Variants in CABIN1 observed in about 807,000 individuals in gnomAD.
CABIN1 encodes calcineurin-binding protein cabin-1.
In CABIN1, 133 loss-of-function variants were observed where a neutral mutation model predicts 227.7. That is an observed-to-expected ratio of 0.58 (90% CI 0.51 to 0.67). The LOEUF (loss-of-function observed/expected upper bound fraction) is 0.67, where lower values mean the gene tolerates loss of function less well. CABIN1 is among the 30% of genes least tolerant of loss of function. The probability of loss-of-function intolerance (pLI) is 0.00; values close to 1 mark genes in which losing one functional copy is unlikely to be tolerated. For missense variants in CABIN1, 2,408 were observed against 2,852.5 expected (o/e 0.84, Z 3.55); for synonymous variants, 1,086 against 1,155.1 (o/e 0.94, Z 1.21).
chr22:24,170,180 T>G, intron 33 of CABIN1: 2 of 456,908 alleles, frequency 4.4e-6, no homozygotes, highest in Non-Finnish European at 8.8e-6. Flanking sequence ...GATTTGCGTT[T>G]CCTACCTAGG....
In CABIN1 at chr22:24,177,849, T is replaced by G. The variant is rs2047200472; in HGVS notation, c.6519+32T>G. The G allele has an allele frequency of 6.6e-7, 1 of 1,521,568 alleles. No homozygotes were observed. Among genetic ancestry groups the G allele is most frequent in the Admixed American group, 1.8e-5 (1 of 56,054 alleles). 94.3% of individuals were successfully genotyped at this position (1,521,568 alleles called of 1,614,324 possible). The stretch of plus-strand genomic sequence containing the variant: ...TCAGGGGCTGGGCTGGAGCCATGTG[T>G]GGGTGGGAGGCATAGGTTACAAAGG... On this transcript the variant is annotated intron_variant, in intron 36 of 36. Coordinates refer to ENST00000263119, the MANE Select transcript of CABIN1 (RefSeq NM_012295.4). This position sits in a 1 kb window ranked among gnomAD's most constrained non-coding sequence, Gnocchi z 4.4.
chr22:24,059,117 T>G, intron 10 of CABIN1, 110 bp from the exon 11 acceptor site: 1 of 1,443,118 alleles, frequency 6.9e-7, no homozygotes, highest in Non-Finnish European at 9.7e-7. Context: ...CACCCACTTA[T>G]TTTAGCTGCC....
intron 19 of CABIN1, among the ~76,000 whole-genome samples, chr22:24,079,612 A>T (rs1011894512): frequency 4.6e-5 from 7 of 152,294 alleles, no homozygotes; most frequent in African/African-American, 1.4e-4. Context: ...ATGGTATTTC[A>T]TTGTTCTTTA....
At chr22:24,141,321 T>G (rs1306784618) in intron 29 of CABIN1, among the ~76,000 whole-genome samples, 1 of 152,168 alleles carries the variant, frequency 6.6e-6, no homozygotes, top group Non-Finnish European at 1.5e-5. Flanking sequence ...TGGTCAAACT[T>G]CCTGTTCTTG....
At chr22:24,058,643 T>C (rs1441792849) in intron 10 of CABIN1, among the ~76,000 whole-genome samples, 1 of 152,220 alleles carries the variant, frequency 6.6e-6, no homozygotes, top group East Asian at 1.9e-4. Flanking sequence ...CCACCTTAGT[T>C]GTTGGGCTCC....
intron 32 of CABIN1, 70 bp downstream of exon 32, chr22:24,167,383 C>A: frequency 6.8e-7 from 1 of 1,475,132 alleles, no homozygotes; most frequent in Non-Finnish European, 9.3e-7. Context: ...TTTCTATCCT[C>A]AAGGAGGGTC....
intron 1 of CABIN1, among the ~76,000 whole-genome samples, chr22:24,034,594 T>C (rs2036731440): frequency 6.6e-6 from 1 of 152,220 alleles, no homozygotes; most frequent in South Asian, 2.1e-4. Context: ...GGCGTGGACA[T>C]GTTTTCATTT....
At chr22:24,069,210 A>G (rs1484918339) in intron 16 of CABIN1, among the ~76,000 whole-genome samples, 2 of 152,072 alleles carry the variant, frequency 1.3e-5, no homozygotes, top group East Asian at 1.9e-4. Context: ...AGTCCTTAAT[A>G]TTTTTGGTTG....
rs59194786 is a variant in CABIN1 at position 24,168,814 on chromosome 22, C to T, written c.5757+293C>T. 0.084 allele frequency among the ~76,000 whole-genome samples: 12,815 copies of T among 152,236 alleles called. 662 individuals carry two copies. The highest frequency in any genetic ancestry group is 0.3 in the East Asian group (1,535 of 5,162). The stretch of plus-strand genomic sequence containing the variant: ...GCTGACCTCAACTGGGAAGGTCATT[C>T]CGTTTGGAACAGAAGTAGAAGCAGC... On this transcript the variant is annotated intron_variant, in intron 33 of 36. Coordinates refer to ENST00000263119, the MANE Select transcript of CABIN1 (RefSeq NM_012295.4).
At chr22:24,102,088 C>T (rs2042238303) in intron 26 of CABIN1, 1 of 152,252 alleles carries the variant, frequency 6.6e-6, no homozygotes, top group Non-Finnish European at 1.5e-5. Flanking sequence ...CAGGGTATAG[C>T]CAAGAGATAC....
intron 28 of CABIN1, among the ~76,000 whole-genome samples, chr22:24,133,168 G>A (rs975599672): frequency 2.0e-5 from 3 of 152,144 alleles, no homozygotes; most frequent in African/African-American, 7.2e-5. Flanking sequence ...ACAGCCACAG[G>A]GCCCTCCCTG....
intron 1 of CABIN1, among the ~76,000 whole-genome samples, chr22:24,024,809 GT>G (rs2035968723): frequency 6.6e-6 from 1 of 151,998 alleles, no homozygotes; most frequent in African/African-American, 2.4e-5. Flanking sequence ...TGAATTTTCA[GT>G]TGTATTTTTA....
intron 28 of CABIN1, among the ~76,000 whole-genome samples, chr22:24,132,052 ACT>A (rs2044107092): frequency 6.9e-6 from 1 of 144,200 alleles, no homozygotes; most frequent in Non-Finnish European, 1.5e-5. Flanking sequence ...ACGGAGTGAC[ACT>A]CTGTCTCCAA....
At chr22:24,119,837 A>C in intron 28 of CABIN1, 139 bp downstream of exon 28, 1 of 894,836 alleles carries the variant, frequency 1.1e-6, no homozygotes, top group Admixed American at 1.9e-5. Flanking sequence ...GAGCTGCAGG[A>C]GGCAGGGCCA....
At chr22:24,085,297 C>A in intron 22 of CABIN1, 146 bp downstream of exon 22, 1 of 902,892 alleles carries the variant, frequency 1.1e-6, no homozygotes, top group Non-Finnish European at 1.8e-6. Context: ...TGGTTTAGCA[C>A]TTTGCTGTTG....
chr22:24,166,512 G>GGCAGATGTCCGGAGCCAC (rs1258529254), intron 31 of CABIN1, 127 bp from the exon 32 acceptor site: 11 of 1,156,920 alleles, frequency 9.5e-6, no homozygotes, highest in Non-Finnish European at 1.4e-5. Flanking sequence ...CTGGCCAGCT[G>GGCAGATGTCCGGAGCCAC]GCAGATGTCC....
intron 29 of CABIN1, among the ~76,000 whole-genome samples, chr22:24,139,623 A>G (rs897724362): frequency 1.3e-5 from 2 of 151,452 alleles, no homozygotes; most frequent in Admixed American, 6.6e-5. Flanking sequence ...TTTCCATGAC[A>G]CCAAGTCTTG....
At chr22:24,064,307 G>A (rs1193272907) in intron 15 of CABIN1, 120 bp downstream of exon 15, 3 of 1,099,736 alleles carry the variant, frequency 2.7e-6, no homozygotes, top group Non-Finnish European at 4.0e-6. Context: ...TGGGGTTCAA[G>A]GGATTCTCCT....
chr22:24,071,838 A>AC (rs2040108936), intron 17 of CABIN1, among the ~76,000 whole-genome samples: 1 of 151,428 alleles, frequency 6.6e-6, no homozygotes, highest in Non-Finnish European at 1.5e-5. Flanking sequence ...TTCCTGGGCT[A>AC]CCCCCTGGGG....
Sources: gnomAD v4.1 joint callset for allele counts (sites outside exome capture counted in the v4.1 genomes callset) on GRCh38, gnomAD v4.1.1 for gene constraint, Gnocchi (gnomAD v3.1) non-coding constraint, MANE v1.5 for transcripts, NCBI Gene and HGNC (gene_info 2026-07-23, HGNC 2026-07-21) for gene names.